Variants in LDB2 observed in about 807,000 individuals in gnomAD.
The protein encoded by LDB2 is LIM domain-binding protein 2.
A neutral mutation model predicts 44.3 loss-of-function variants in LDB2; 12 were observed. That is an observed-to-expected ratio of 0.27 (90% CI 0.17 to 0.44). LDB2 has a LOEUF of 0.44. Among genes scored for constraint, LDB2 ranks in the 20% least tolerant of loss-of-function variants. LDB2 has a pLI of 1.00. For synonymous variants in LDB2, 164 were observed against 174.8 expected (o/e 0.94, Z 0.49); for missense variants, 344 against 473.5 (o/e 0.73, Z 2.54).
intron 1 of LDB2, among the ~76,000 whole-genome samples, chr4:16,800,859 T>C (rs1482355430): frequency 2.0e-5 from 3 of 152,150 alleles, no homozygotes; most frequent in Non-Finnish European, 4.4e-5. Flanking sequence ...GTATTTTTAC[T>C]AGAGACAGGG....
At chr4:16,768,631 G>A (rs919302550) in intron 1 of LDB2, among the ~76,000 whole-genome samples, 3 of 152,078 alleles carry the variant, frequency 2.0e-5, no homozygotes, top group Non-Finnish European at 4.4e-5. Context: ...CAGGTCATTT[G>A]TTTTCCAAGA....
chr4:16,509,490 A>G (rs1167630833), intron 6 of LDB2, among the ~76,000 whole-genome samples: 2 of 152,230 alleles, frequency 1.3e-5, no homozygotes, highest in East Asian at 3.8e-4. Flanking sequence ...TAGAGACCCA[A>G]GGTAAAGTGT....
intron 2 of LDB2, among the ~76,000 whole-genome samples, chr4:16,746,600 A>G (rs1764433790): frequency 6.6e-6 from 1 of 152,208 alleles, no homozygotes; most frequent in Admixed American, 6.5e-5. Context: ...CAGCCTGGCC[A>G]ACATGGTGAA....
chr4:16,796,411 T>C (rs1335421436), intron 1 of LDB2, among the ~76,000 whole-genome samples: 1 of 152,002 alleles, frequency 6.6e-6, no homozygotes, highest in East Asian at 1.9e-4. Context: ...GTGGAAAAAT[T>C]TGAATAACAA....
intron 1 of LDB2, among the ~76,000 whole-genome samples, chr4:16,876,867 G>T (rs1238708619): frequency 6.6e-6 from 1 of 150,446 alleles, no homozygotes; most frequent in African/African-American, 2.4e-5. Context: ...TTTAACCATT[G>T]ATTCAGTGAA....
At position 16,812,696 on chromosome 4, in the gene LDB2, C is replaced by T. The variant is rs568945113; in HGVS notation, c.133-53436G>A. 1.1e-4 allele frequency among the ~76,000 whole-genome samples: 15 copies of T among 141,524 alleles called. No individual in the cohort carries two copies. The East Asian group carries it at 1.2e-3, about 12-fold the overall frequency. 92.8% of individuals were successfully genotyped at this position (141,524 alleles called of 152,430 possible). A position where few individuals can be genotyped will look rare whatever the true frequency, so the allele number is the denominator to read the frequency against. The stretch of plus-strand genomic sequence containing the variant: ...ACTTAGGAGAAAACAGAAAGGTTAA[C>T]TACTCCAAAGTCTTTGGCTTTAGAA... On this transcript the variant is annotated intron_variant, in intron 1 of 7. Coordinates refer to ENST00000304523, the MANE Select transcript of LDB2 (RefSeq NM_001290.5).
chr4:16,798,006 G>C (rs1169175864), intron 1 of LDB2, among the ~76,000 whole-genome samples: 1 of 145,702 alleles, frequency 6.9e-6, no homozygotes, highest in Non-Finnish European at 1.5e-5. Context: ...CTGCACTCCA[G>C]CCTGGGCGAC....
intron 2 of LDB2, among the ~76,000 whole-genome samples, chr4:16,715,617 G>T (rs1034684291): frequency 6.6e-6 from 1 of 152,106 alleles, no homozygotes; most frequent in African/African-American, 2.4e-5. Context: ...AACAACATCA[G>T]AAACACAAAT....
chr4:16,855,090 T>C (rs1789083362), intron 1 of LDB2, among the ~76,000 whole-genome samples: 1 of 152,108 alleles, frequency 6.6e-6, no homozygotes, highest in African/African-American at 2.4e-5. Context: ...CTCAGTATTA[T>C]CTAAAGTAAC....
At chr4:16,810,848 C>G (rs886608368) in intron 1 of LDB2, among the ~76,000 whole-genome samples, 2 of 152,142 alleles carry the variant, frequency 1.3e-5, no homozygotes, top group African/African-American at 4.8e-5. Context: ...CAGTCTTAAA[C>G]TTTTCAGTCT....
chr4:16,734,703 CTTTT>C (rs539507998), intron 2 of LDB2, among the ~76,000 whole-genome samples: 2,005 of 129,288 alleles, frequency 0.016, 37 homozygotes, highest in African/African-American at 0.051. Flanking sequence ...TTCTTGTTTT[CTTTT>C]TTTTTTTTTT....
At chr4:16,796,029 C>T (rs1776661082) in intron 1 of LDB2, among the ~76,000 whole-genome samples, 2 of 152,080 alleles carry the variant, frequency 1.3e-5, no homozygotes, top group Non-Finnish European at 2.9e-5. Context: ...CGGTGGTTCA[C>T]GCCTATAATC....
intron 2 of LDB2, among the ~76,000 whole-genome samples, chr4:16,648,819 AT>A (rs1009736624): frequency 6.6e-6 from 1 of 152,070 alleles, no homozygotes; most frequent in Non-Finnish European, 1.5e-5. Flanking sequence ...GGCTAGAGCA[AT>A]TTCATTTATA....
intron 2 of LDB2, among the ~76,000 whole-genome samples, chr4:16,651,874 G>C (rs774870187): frequency 6.6e-6 from 1 of 152,066 alleles, no homozygotes; most frequent in African/African-American, 2.4e-5. Context: ...TAGCAAAACA[G>C]GTGTCATCAG....
intron 2 of LDB2, 62 bp from the exon 3 acceptor site, chr4:16,595,937 C>A (rs1720770716): frequency 2.0e-6 from 3 of 1,504,062 alleles, no homozygotes; most frequent in Admixed American, 1.9e-5. Flanking sequence ...CCCACACACC[C>A]AACACCATTG....
chr4:16,636,015 A>T (rs80188820), intron 2 of LDB2, among the ~76,000 whole-genome samples: 4 of 152,144 alleles, frequency 2.6e-5, no homozygotes, highest in Admixed American at 6.5e-5. Context: ...GCCAATAGAG[A>T]TTGATTATAT....
intron 5 of LDB2, among the ~76,000 whole-genome samples, chr4:16,579,677 T>C (rs2152415711): frequency 6.6e-6 from 1 of 152,322 alleles, no homozygotes; most frequent in African/African-American, 2.4e-5. Flanking sequence ...AAGTTCTAGG[T>C]AGTGATTTTA....
chr4:16,645,173 C>T (rs898309888), intron 2 of LDB2, among the ~76,000 whole-genome samples: 3 of 152,216 alleles, frequency 2.0e-5, no homozygotes, highest in Admixed American at 6.5e-5. Context: ...TCTGACTCCA[C>T]TAATTCAGAG....
At chr4:16,628,322 C>CA (rs1730869586) in intron 2 of LDB2, among the ~76,000 whole-genome samples, 2 of 152,206 alleles carry the variant, frequency 1.3e-5, no homozygotes, top group Admixed American at 1.3e-4. Context: ...CAAAAGCTCC[C>CA]AACAGGATGG....
Sources: gnomAD v4.1 joint callset for allele counts (sites outside exome capture counted in the v4.1 genomes callset) on GRCh38, gnomAD v4.1.1 for gene constraint, MANE v1.5 for transcripts, NCBI Gene and HGNC (gene_info 2026-07-23, HGNC 2026-07-21) for gene names.